IL1RAPL1: variants seen among roughly 807,000 people sequenced by gnomAD.
The protein encoded by IL1RAPL1 is interleukin-1 receptor accessory protein-like 1.
Under a neutral mutation model 48.4 loss-of-function variants are expected in IL1RAPL1, and 3 were observed. The observed-to-expected ratio is 0.06, with a 90% CI of 0.03 to 0.16. IL1RAPL1 has a LOEUF of 0.16. Among genes scored for constraint, IL1RAPL1 ranks in the 10% least tolerant of loss-of-function variants. The pLI is 1.00. For synonymous variants in IL1RAPL1, 185 were observed against 187.7 expected (o/e 0.99, Z 0.12); for missense variants, 349 against 530.6 (o/e 0.66, Z 3.36).
chrX:29,331,759 A>G (rs1391726804), intron 3 of IL1RAPL1, among the ~76,000 whole-genome samples: 1 of 111,931 alleles, frequency 8.9e-6, no homozygotes, highest in Non-Finnish European at 1.9e-5. Flanking sequence ...TATAATGTCA[A>G]AAGAGATGAT....
intron 5 of IL1RAPL1, among the ~76,000 whole-genome samples, chrX:29,457,424 G>A (rs1431120821): frequency 2.7e-5 from 3 of 111,055 alleles, no homozygotes; most frequent in East Asian, 2.8e-4. Context: ...CCATTTATAC[G>A]TGAGAACATG....
intron 5 of IL1RAPL1, among the ~76,000 whole-genome samples, chrX:29,557,874 A>G (rs911375558): frequency 9.0e-6 from 1 of 111,248 alleles, no homozygotes; most frequent in South Asian, 3.7e-4. Context: ...AAAATGCTAA[A>G]TAATATTTTA....
At chrX:29,737,446 C>G (rs1350299143) in intron 6 of IL1RAPL1, among the ~76,000 whole-genome samples, 6 of 111,437 alleles carry the variant, frequency 5.4e-5, no homozygotes, top group Admixed American at 3.8e-4. Flanking sequence ...CACTAAGTTG[C>G]AAATTTGTCC....
intron 2 of IL1RAPL1, among the ~76,000 whole-genome samples, chrX:29,174,458 A>G (rs1929969119): frequency 8.9e-6 from 1 of 112,314 alleles, no homozygotes; most frequent in African/African-American, 3.2e-5. Flanking sequence ...TTATTGCAAA[A>G]TGCATGTGAT....
At chrX:29,577,886 A>T (rs916421) in intron 5 of IL1RAPL1, among the ~76,000 whole-genome samples, 33,303 of 110,251 alleles carry the variant, frequency 0.3, 3,745 homozygotes, top group South Asian at 0.47. Context: ...ATAATCTCTC[A>T]TGCTTTTGTA....
chrX:29,052,941 A>G (rs1028557736), intron 2 of IL1RAPL1, among the ~76,000 whole-genome samples: 13 of 111,682 alleles, frequency 1.2e-4, no homozygotes, highest in African/African-American at 4.2e-4. Context: ...AACTTGTGTC[A>G]TGGGGGTTTG....
intron 6 of IL1RAPL1, among the ~76,000 whole-genome samples, chrX:29,774,733 G>C (rs1306240472): frequency 1.8e-5 from 2 of 111,870 alleles, no homozygotes; most frequent in African/African-American, 6.5e-5. Flanking sequence ...GTGTCGAGAA[G>C]ACACAGAGGC....
chrX:28,792,822 T>A (rs868599295), intron 2 of IL1RAPL1, among the ~76,000 whole-genome samples: 52 of 45,012 alleles, frequency 1.2e-3, no homozygotes, highest in African/African-American at 5.8e-3. Context: ...AAAAAATATA[T>A]ATATATATAT....
chrX:29,011,363 A>G (rs1282943212), intron 2 of IL1RAPL1, among the ~76,000 whole-genome samples: 1 of 112,635 alleles, frequency 8.9e-6, no homozygotes, highest in East Asian at 2.8e-4. Flanking sequence ...GATAAAAACT[A>G]GAAGCAACCC....
At chrX:29,122,800 A>C (rs1434093686) in intron 2 of IL1RAPL1, among the ~76,000 whole-genome samples, 1 of 110,523 alleles carries the variant, frequency 9.0e-6, no homozygotes, top group East Asian at 2.8e-4. Context: ...TTTCTGAAAT[A>C]AATAGTTCTT....
In IL1RAPL1 at chrX:29,626,133, C is replaced by T. The variant is rs7888837; in HGVS notation, c.704-42297C>T. 6.6e-3 allele frequency among the ~76,000 whole-genome samples: 735 copies of T among 112,173 alleles called. 4 individuals are homozygous for T. The highest frequency in any genetic ancestry group is 0.023 in the African/African-American group (709 of 30,929). On this transcript the variant is annotated intron_variant, in intron 5 of 10. Coordinates refer to ENST00000378993, the MANE Select transcript of IL1RAPL1 (RefSeq NM_014271.4). ...AAAGATTTGGGTCATGCAGCTGCTT[C>T]CTAAATGTTATATTTTTATTTCCAT...
chrX:29,830,126 A>G (rs894133858), intron 6 of IL1RAPL1, among the ~76,000 whole-genome samples: 2 of 112,040 alleles, frequency 1.8e-5, no homozygotes, highest in African/African-American at 6.5e-5. Flanking sequence ...ATGTCCCTGT[A>G]CCCTTGCATA....
intron 2 of IL1RAPL1, among the ~76,000 whole-genome samples, chrX:28,994,649 A>G (rs755490281): frequency 1.2e-4 from 13 of 111,712 alleles, no homozygotes; most frequent in South Asian, 3.7e-4. Flanking sequence ...CAAGGAATTG[A>G]TATACAGGAA....
At chrX:28,947,834 ATT>A (rs1435362853) in intron 2 of IL1RAPL1, among the ~76,000 whole-genome samples, 2 of 111,991 alleles carry the variant, frequency 1.8e-5, no homozygotes, top group African/African-American at 6.5e-5. Context: ...GAAATTTTAT[ATT>A]TGTTTTTGGT....
At chrX:29,318,077 C>A in intron 3 of IL1RAPL1, among the ~76,000 whole-genome samples, 1 of 112,081 alleles carries the variant, frequency 8.9e-6, no homozygotes, top group Non-Finnish European at 1.9e-5. Context: ...CTTGTTAACC[C>A]AGTACTGTGC....
At chrX:28,648,926 A>T (rs766764391) in intron 1 of IL1RAPL1, among the ~76,000 whole-genome samples, 2 of 111,658 alleles carry the variant, frequency 1.8e-5, no homozygotes, top group Non-Finnish European at 3.8e-5. Context: ...TCAATATCCA[A>T]GCTGAATATA....
chrX:29,357,724 T>C (rs1209890409), intron 3 of IL1RAPL1, among the ~76,000 whole-genome samples: 2 of 112,146 alleles, frequency 1.8e-5, no homozygotes, highest in South Asian at 3.7e-4. Flanking sequence ...CTCCGTGTCA[T>C]AAGGTTCTTG....
intron 6 of IL1RAPL1, among the ~76,000 whole-genome samples, chrX:29,718,943 G>C (rs1927558220): frequency 8.9e-6 from 1 of 112,087 alleles, no homozygotes; most frequent in Non-Finnish European, 1.9e-5. Flanking sequence ...CTATCTACAA[G>C]AGTCTTTAAA....
At chrX:29,574,666 G>A (rs1264577799) in intron 5 of IL1RAPL1, among the ~76,000 whole-genome samples, 1 of 111,486 alleles carries the variant, frequency 9.0e-6, no homozygotes, top group Non-Finnish European at 1.9e-5. Context: ...CAGAAAACAG[G>A]TTTTTCTTTT....
Sources: gnomAD v4.1 joint callset for allele counts (sites outside exome capture counted in the v4.1 genomes callset) on GRCh38, gnomAD v4.1.1 for gene constraint, MANE v1.5 for transcripts, NCBI Gene and HGNC (gene_info 2026-07-23, HGNC 2026-07-21) for gene names.